ALDH1L2: variants seen among roughly 807,000 people sequenced by gnomAD.
ALDH1L2 encodes the protein aldehyde dehydrogenase 1 family member L2.
In ALDH1L2, 91 loss-of-function variants were observed where a neutral mutation model predicts 111.0. That is an observed-to-expected ratio of 0.82 (90% CI 0.69 to 0.98). The LOEUF is 0.98. Ranked by LOEUF, ALDH1L2 falls within the 50% of genes least tolerant of loss-of-function variation. The probability of loss-of-function intolerance (pLI) is 0.00; values close to 1 mark genes in which losing one functional copy is unlikely to be tolerated. For synonymous variants in ALDH1L2, 374 were observed against 392.6 expected, an observed-to-expected ratio of 0.95 and a Z score of 0.56; for missense variants, 995 against 1,126.8, an observed-to-expected ratio of 0.88 and a Z score of 1.67.
chr12:105,040,556 A>G, intron 16 of ALDH1L2, 51 bp downstream of exon 16: 1 of 1,541,020 alleles, frequency 6.5e-7, no homozygotes, highest in Non-Finnish European at 9.0e-7. Context: ...CCACTCAGCT[A>G]CCCCAGTACC....
chr12:105,026,896 C>T (rs1874441535), intron 21 of ALDH1L2, 152 bp from the exon 22 acceptor site: 1 of 919,162 alleles, frequency 1.1e-6, no homozygotes, highest in Non-Finnish European at 1.6e-6. Context: ...AGAGGCCAGG[C>T]ATTGCTCTGT....
rs981179989 is a variant in ALDH1L2 at position 105,073,674 on chromosome 12, G to C, written c.193+187C>G. 4.2e-6 allele frequency: 3 copies of C among 715,016 alleles called. No homozygotes were observed. The African/African-American group carries it at 5.4e-5, about 13-fold the overall frequency. The allele number at this position is 715,016 out of a possible 1,614,324, so 44.3% of individuals were successfully genotyped here. A position where few individuals can be genotyped will look rare whatever the true frequency, so the allele number is the denominator to read the frequency against. ...CTAAGTTCTGGCCAATGGGATACAA[G>C]TGGGAGTAATATGGATTATGCCCTT... On this transcript the variant is annotated intron_variant, in intron 2 of 22. Coordinates refer to ENST00000258494, the MANE Select transcript of ALDH1L2 (RefSeq NM_001034173.4).
intron 15 of ALDH1L2, 43 bp from the exon 16 acceptor site, chr12:105,040,737 C>T (rs1173326153): frequency 6.3e-7 from 1 of 1,575,488 alleles, no homozygotes; most frequent in Admixed American, 1.7e-5. Flanking sequence ...AGGCCCTAAC[C>T]TGACCTTTAG....
intron 13 of ALDH1L2, chr12:105,048,652 C>G (rs1193955030): frequency 6.6e-6 from 1 of 152,116 alleles, no homozygotes; most frequent in Non-Finnish European, 1.5e-5. Context: ...CCGTTGATCA[C>G]CCTGTGTTTG....
intron 15 of ALDH1L2, 62 bp downstream of exon 15, chr12:105,046,647 CT>C: frequency 7.1e-7 from 1 of 1,417,682 alleles, no homozygotes; most frequent in Non-Finnish European, 9.7e-7. Context: ...ATATATTTCA[CT>C]TTTTTGAAGT....
intron 10 of ALDH1L2, among the ~76,000 whole-genome samples, chr12:105,053,969 A>G (rs571176171): frequency 2.6e-5 from 4 of 152,144 alleles, no homozygotes; most frequent in African/African-American, 9.6e-5. Context: ...TACCCAATCT[A>G]TAGGGTAATA....
At chr12:105,061,135 C>T in intron 8 of ALDH1L2, 63 bp from the exon 9 acceptor site, 1 of 1,415,206 alleles carries the variant, frequency 7.1e-7, no homozygotes, top group South Asian at 1.2e-5. Flanking sequence ...AGAGACTGGG[C>T]TAGCTCTTCA....
intron 18 of ALDH1L2, 57 bp downstream of exon 18, chr12:105,038,045 GC>G: frequency 6.9e-7 from 1 of 1,443,426 alleles, no homozygotes; most frequent in Non-Finnish European, 9.7e-7. Context: ...AGGATTACAG[GC>G]GTGAGCCACC....
At chr12:105,034,278 A>C in intron 19 of ALDH1L2, 22 bp downstream of exon 19, 2 of 1,610,308 alleles carry the variant, frequency 1.2e-6, no homozygotes, top group Non-Finnish European at 1.7e-6. Flanking sequence ...AACAACTCAG[A>C]GTAAATGTGA....
At chr12:105,047,481 T>C (rs1875989736) in intron 13 of ALDH1L2, 1 of 158,586 alleles carries the variant, frequency 6.3e-6, no homozygotes, top group Admixed American at 6.0e-5. Context: ...GGCACTGCAG[T>C]GGTTTTCTTG....
intron 2 of ALDH1L2, among the ~76,000 whole-genome samples, chr12:105,071,629 TATATA>T (rs1565972406): frequency 5.5e-4 from 12 of 21,628 alleles, no homozygotes; most frequent in East Asian, 1.5e-3. Flanking sequence ...TATATATATA[TATATA>T]TATATATATT....
chr12:105,065,186 G>T, intron 6 of ALDH1L2, 81 bp downstream of exon 6: 1 of 934,030 alleles, frequency 1.1e-6, no homozygotes, highest in Non-Finnish European at 1.6e-6. Context: ...AGAACCATGG[G>T]AAGCCCAGAT....
At chr12:105,056,521 T>C (rs1044785204) in intron 10 of ALDH1L2, among the ~76,000 whole-genome samples, 2 of 152,000 alleles carry the variant, frequency 1.3e-5, no homozygotes, top group Non-Finnish European at 2.9e-5. Flanking sequence ...TTGGTATAAA[T>C]ATATTTTTTA....
chr12:105,036,513 TTTATATATATATATATATA>T lies in ALDH1L2; in HGVS notation c.2145+1571_2145+1589del, dbSNP rs1565952182. ...TATATTTATATATGTATATATATAT[TTTATATATATATATATATA>T]TATATATATATATATATATATATAT... is the stretch of plus-strand genomic sequence containing the variant. On this transcript the variant is annotated intron_variant, in intron 18 of 22. Coordinates refer to ENST00000258494, the MANE Select transcript of ALDH1L2 (RefSeq NM_001034173.4). Among the ~76,000 whole-genome samples, 134 of 53,844 alleles carry T rather than the reference TTTATATATATATATATATA, an allele frequency of 2.5e-3. 10 individuals carry two copies. The highest frequency in any genetic ancestry group is 9.9e-3 in the South Asian group (15 of 1,510). The allele number at this position is 53,844 out of a possible 152,430, so 35.3% of individuals were successfully genotyped here. A position where few individuals can be genotyped will look rare whatever the true frequency, so the allele number is the denominator to read the frequency against.
At chr12:105,061,123 G>T in intron 8 of ALDH1L2, 51 bp from the exon 9 acceptor site, 1 of 1,488,140 alleles carries the variant, frequency 6.7e-7, no homozygotes, top group Non-Finnish European at 9.4e-7. Flanking sequence ...GAACAATGTG[G>T]CAGAGACTGG....
chr12:105,048,581 C>T (rs1876060094), intron 13 of ALDH1L2: 1 of 152,150 alleles, frequency 6.6e-6, no homozygotes, highest in South Asian at 2.1e-4. Flanking sequence ...ATGCATACTG[C>T]AGTTTGCTAC....
At chr12:105,049,814 A>T in intron 13 of ALDH1L2, 94 bp downstream of exon 13, 1 of 1,393,390 alleles carries the variant, frequency 7.2e-7, no homozygotes, top group Non-Finnish European at 9.6e-7. Context: ...GGTGTAAAAA[A>T]ATCTACATAA....
intron 21 of ALDH1L2, among the ~76,000 whole-genome samples, chr12:105,027,598 AAATAAT>A (rs1209515794): frequency 2.6e-5 from 4 of 152,212 alleles, no homozygotes; most frequent in Admixed American, 6.5e-5. Flanking sequence ...CGAACCATGG[AAATAAT>A]AATAAAAGGA....
At chr12:105,033,781 T>G (rs1238593822) in intron 19 of ALDH1L2, among the ~76,000 whole-genome samples, 1 of 152,182 alleles carries the variant, frequency 6.6e-6, no homozygotes, top group Non-Finnish European at 1.5e-5. Flanking sequence ...TATGCTATCA[T>G]GTCAACCGCA....
Sources: gnomAD v4.1 joint callset for allele counts (sites outside exome capture counted in the v4.1 genomes callset) on GRCh38, gnomAD v4.1.1 for gene constraint, MANE v1.5 for transcripts, NCBI Gene and HGNC (gene_info 2026-07-23, HGNC 2026-07-21) for gene names.